PLAGL1: variants seen among roughly 807,000 people sequenced by gnomAD.
PLAGL1 encodes zinc finger protein PLAGL1.
Under a neutral mutation model 4.6 loss-of-function variants are expected in PLAGL1, and 1 was observed. The observed-to-expected ratio is 0.22, with a 90% confidence interval of 0.08 to 1.03. The LOEUF (loss-of-function observed/expected upper bound fraction) is 1.03. PLAGL1 is among the 50% of genes least tolerant of loss of function. The pLI, the probability that PLAGL1 is intolerant of heterozygous loss-of-function variation, is 0.58. For synonymous variants in PLAGL1, 240 were observed against 237.8 expected (o/e 1.01, Z -0.08); for missense variants, 464 against 570.4 (o/e 0.81, Z 1.90).
At chr6:143,974,433 T>C (rs1786062531) in intron 2 of PLAGL1, among the ~76,000 whole-genome samples, 2 of 152,034 alleles carry the variant, frequency 1.3e-5, no homozygotes, top group African/African-American at 4.8e-5. Flanking sequence ...GGCCATCTAT[T>C]CACCAATTAC....
At chr6:144,020,526 T>C (rs1795892152) in intron 1 of PLAGL1, among the ~76,000 whole-genome samples, 1 of 152,042 alleles carries the variant, frequency 6.6e-6, no homozygotes, top group Non-Finnish European at 1.5e-5. Flanking sequence ...TGACCTTGTA[T>C]CCACCCACCT....
chr6:144,029,580 A>T (rs1445908343), intron 1 of PLAGL1, among the ~76,000 whole-genome samples: 3 of 152,274 alleles, frequency 2.0e-5, no homozygotes, highest in African/African-American at 7.2e-5. Context: ...AATGCAAATT[A>T]AAACTATGCT....
intron 1 of PLAGL1, among the ~76,000 whole-genome samples, chr6:143,992,051 A>G (rs957713841): frequency 1.3e-5 from 2 of 152,242 alleles, no homozygotes; most frequent in African/African-American, 4.8e-5. Flanking sequence ...AAGGAAAGAT[A>G]TATTTTGGAC....
upstream of PLAGL1, among the ~76,000 whole-genome samples, chr6:144,009,751 G>A (rs1795007983): frequency 6.6e-6 from 1 of 151,236 alleles, no homozygotes; most frequent in Non-Finnish European, 1.5e-5. Flanking sequence ...TCCCACTTAT[G>A]AATGAGAACA....
intron 1 of PLAGL1, among the ~76,000 whole-genome samples, chr6:144,046,082 T>C (rs1261359782): frequency 1.3e-5 from 2 of 152,168 alleles, no homozygotes; most frequent in African/African-American, 4.8e-5. Context: ...GAGCCATTCA[T>C]CTAATCTTTT....
Position 143,978,641 on chromosome 6 carries a change from CCTTT to C in PLAGL1, c.-544+6490_-544+6493del, listed in dbSNP as rs778828599. ...CAGTTACAAGATATTTTTCCAGATT[CCTTT>C]CTAATTTAATTCCATTATGGTCAGT... On this transcript the variant is annotated intron_variant, in intron 2 of 7. Transcript: ENST00000674357. The surrounding 1 kb of genome is among the most constrained non-coding windows in gnomAD (Gnocchi z 4.6). Among the ~76,000 whole-genome samples, 2 of 152,080 alleles carry C rather than the reference CCTTT, an allele frequency of 1.3e-5. No homozygotes were observed. The highest frequency in any genetic ancestry group is 2.4e-5 in the African/African-American group (1 of 41,420).
At chr6:144,009,137 T>A (rs762980769), upstream of PLAGL1, among the ~76,000 whole-genome samples, 3 of 152,204 alleles carry the variant, frequency 2.0e-5, no homozygotes, top group Non-Finnish European at 4.4e-5. Context: ...TGAGGTTAAT[T>A]AGCATCATAC....
In PLAGL1 at chr6:144,034,165, C is replaced by T. The variant is rs139824109; in HGVS notation, c.-151+30303G>A. 7.9e-5 allele frequency among the ~76,000 whole-genome samples: 12 copies of T among 152,322 alleles called. No homozygotes were observed. The highest frequency in any genetic ancestry group is 1.2e-4 in the African/African-American group (5 of 41,574). ...TGACCTGTGTTTACATGTAAAACCA[C>T]GTTGTTGGAGGAGGGGGTGCCCCAG... On this transcript the variant is annotated intron_variant, in intron 1 of 3. Transcript: ENST00000437412. This position sits in a 1 kb window ranked among gnomAD's most constrained non-coding sequence, Gnocchi z 4.7.
Position 144,013,491 on chromosome 6 carries a change from C to T in PLAGL1, c.-150-44513G>A, listed in dbSNP as rs1325747789. Among the ~76,000 whole-genome samples, 3 of 152,344 alleles carry T rather than the reference C, an allele frequency of 2.0e-5. No homozygotes were observed. The East Asian group carries it at 5.8e-4, about 29-fold the overall frequency. On this transcript the variant is annotated intron_variant, in intron 1 of 3. Coordinates refer to the PLAGL1 transcript ENST00000437412. The surrounding 1 kb of genome is among the most constrained non-coding windows in gnomAD (Gnocchi z 4.4). The stretch of plus-strand genomic sequence containing the variant: ...ATAGTGGCTATATTTTATCCTATAG[C>T]TGCCATAACAAATTACCACAAACTG...
rs2128579610 is a variant in PLAGL1 at position 143,970,475 on chromosome 6, T to C, written c.-543-1497A>G. 6.6e-6 allele frequency among the ~76,000 whole-genome samples: 1 copy of C among 152,338 alleles called. No individual in the cohort carries two copies. The highest frequency in any genetic ancestry group is 1.9e-4 in the East Asian group (1 of 5,188). On this transcript the variant is annotated intron_variant, in intron 2 of 7. Transcript: ENST00000674357. This position sits in a 1 kb window ranked among gnomAD's most constrained non-coding sequence, Gnocchi z 5.8. ...TATCTGATCTTATACAACTGACACATTATTTAATTTTAGATAGTTCTGTAT... is the reference window on the plus strand; with the variant it reads ...TATCTGATCTTATACAACTGACACACTATTTAATTTTAGATAGTTCTGTAT...
At position 143,989,538 on chromosome 6, in the gene PLAGL1, T is replaced by A. The variant is rs1789965812; in HGVS notation, c.-583-4364A>T. On this transcript the variant is annotated intron_variant, in intron 1 of 7. Transcript: ENST00000674357. The surrounding 1 kb of genome is among the most constrained non-coding windows in gnomAD (Gnocchi z 4.8). The stretch of plus-strand genomic sequence containing the variant: ...CATCAGTCTCCTCCTGTCCTTGGAC[T>A]GGGATTTATACCCCTGGTTCCTCTG... Among the ~76,000 whole-genome samples the A allele has an allele frequency of 6.6e-6, 1 of 152,240 alleles. No individual in the cohort carries two copies. The highest frequency in any genetic ancestry group is 2.4e-5 in the African/African-American group (1 of 41,456).
At chr6:144,011,588 T>C (rs62427131), upstream of PLAGL1, among the ~76,000 whole-genome samples, 8,725 of 152,318 alleles carry the variant, frequency 0.057, 366 homozygotes, top group Non-Finnish European at 0.096. This position sits in a 1 kb window ranked among gnomAD's most constrained non-coding sequence, Gnocchi z 4.3. Flanking sequence ...ATTATGTTCT[T>C]TTCTAATGTC....
rs116978215 is a variant in PLAGL1, at chr6:144,021,472, C to T, written c.-151+42996G>A. ...CTGCCCTTTAGGGGACATTTTTGCA[C>T]GGAGAAAAACAACTTTTATAGAAAT... On this transcript the variant is annotated intron_variant, in intron 1 of 3. Coordinates refer to the PLAGL1 transcript ENST00000437412. 5.9e-4 allele frequency among the ~76,000 whole-genome samples: 89 copies of T among 152,112 alleles called. No homozygotes were observed. In the East Asian group the frequency reaches 0.014, roughly 24 times the overall value.
At position 144,016,724 on chromosome 6, in the gene PLAGL1, C is replaced by T. The variant is rs1325611842; in HGVS notation, c.-151+47744G>A. Among the ~76,000 whole-genome samples, 1 of 152,154 alleles carries T rather than the reference C, an allele frequency of 6.6e-6. No individual in the cohort carries two copies. The highest frequency in any genetic ancestry group is 2.4e-5 in the African/African-American group (1 of 41,412). On this transcript the variant is annotated intron_variant, in intron 1 of 3. Coordinates refer to the PLAGL1 transcript ENST00000437412. The surrounding 1 kb of genome is among the most constrained non-coding windows in gnomAD (Gnocchi z 4.2). Reference sequence around the variant, plus strand: ...TTGTCATACTGCACTGAATGATACACCTAAAATACATCCACTTGATTACAT... The same window carrying T: ...TTGTCATACTGCACTGAATGATACATCTAAAATACATCCACTTGATTACAT...
Position 143,958,971 on chromosome 6 carries a change from A to G in PLAGL1, c.-325+1498T>C, listed in dbSNP as rs867062366. On this transcript the variant is annotated intron_variant, in intron 6 of 7. Transcript: ENST00000674357. The surrounding 1 kb of genome is among the most constrained non-coding windows in gnomAD (Gnocchi z 5.1). ...TTTGTTTGTTTAACAAACCATTACAATCATACCCAGTTCAATGGGGGAGGA... is the reference window on the plus strand; with the variant it reads ...TTTGTTTGTTTAACAAACCATTACAGTCATACCCAGTTCAATGGGGGAGGA... Among the ~76,000 whole-genome samples the G allele has an allele frequency of 1.3e-5, 2 of 152,308 alleles. No individual in the cohort carries two copies. Among genetic ancestry groups the G allele is most frequent in the African/African-American group, 2.4e-5 (1 of 41,562 alleles).
intron 1 of PLAGL1, among the ~76,000 whole-genome samples, chr6:144,026,309 G>T (rs1398870231): frequency 6.6e-6 from 1 of 152,140 alleles, no homozygotes; most frequent in Non-Finnish European, 1.5e-5. Flanking sequence ...AGGAAAAAAG[G>T]TGAGTAAATC....
At chr6:144,008,879 C>G (rs1009727815), upstream of PLAGL1, 4 of 152,176 alleles carry the variant, frequency 2.6e-5, no homozygotes, top group African/African-American at 4.8e-5. The surrounding 1 kb of genome is among the most constrained non-coding windows in gnomAD (Gnocchi z 6.9). Flanking sequence ...GCTGAAGAAA[C>G]GAAGACGCAG....
At chr6:143,974,579 T>G (rs1386480085) in intron 2 of PLAGL1, among the ~76,000 whole-genome samples, 1 of 152,218 alleles carries the variant, frequency 6.6e-6, no homozygotes. Context: ...ACAGGAAAGG[T>G]AGCTTGTGAC....
intron 1 of PLAGL1, among the ~76,000 whole-genome samples, chr6:144,025,611 C>T (rs1004214912): frequency 5.3e-5 from 8 of 152,110 alleles, no homozygotes; most frequent in Admixed American, 3.3e-4. Context: ...ACCTACTGGA[C>T]GGGCACAGTG....
Sources: gnomAD v4.1 joint callset for allele counts (sites outside exome capture counted in the v4.1 genomes callset) on GRCh38, gnomAD v4.1.1 for gene constraint, Gnocchi (gnomAD v3.1) non-coding constraint, MANE v1.5 for transcripts, NCBI Gene and HGNC (gene_info 2026-07-23, HGNC 2026-07-21) for gene names.